MKI67: variants seen among roughly 807,000 people sequenced by gnomAD.
MKI67 encodes marker of proliferation Ki-67, also known as proliferation marker protein Ki-67.
MKI67 carries 152 observed loss-of-function variants against 233.5 expected under a neutral mutation model. That is an observed-to-expected ratio of 0.65 (90% CI 0.57 to 0.74). The LOEUF is 0.74. MKI67 is among the 30% of genes least tolerant of loss of function. The pLI, the probability that MKI67 is intolerant of heterozygous loss-of-function variation, is 0.00. For synonymous variants in MKI67, 1,465 were observed against 1,418.5 expected, an observed-to-expected ratio of 1.03 and a Z score of -0.74; for missense variants, 3,940 against 3,885.2, an observed-to-expected ratio of 1.01 and a Z score of -0.37.
Position 128,115,324 on chromosome 10 carries a change from T to C in MKI67, c.1084A>G (p.Lys362Glu). The part of the protein sequence containing the change: ...SQQQNSPQKH[K>E]NKDLYTTGRR... Reference sequence around the variant, plus strand: ...CCAGTAGTATACAGGTCTTTGTTCTTATGTTTTTGTGGAGAATTTTGTTGC... The same window carrying C: ...CCAGTAGTATACAGGTCTTTGTTCTCATGTTTTTGTGGAGAATTTTGTTGC... Residue 362 changes from lysine to glutamate, a missense_variant, in exon 7 of 15, where the codon AAG (lysine) becomes GAG (glutamate). Physicochemically the swap from Lys to Glu is moderately conservative, Grantham distance 56. Transcript: ENST00000368654. The C allele has an allele frequency of 6.2e-7, 1 of 1,614,162 alleles. No homozygotes were observed. The highest frequency in any genetic ancestry group is 8.5e-7 in the Non-Finnish European group (1 of 1,180,034).
rs1294474195 is a variant in MKI67, at chr10:128,115,423, G to T, written c.985C>A (p.Pro329Thr). ...KGRDVESVQT[P>T]SKAVGASFPL... is the part of the protein sequence containing the mutation. ...AAGCTGGCGCCCACAGCCTTGCTGG[G>T]AGTCTGAACAGACTCCACGTCTCTT... is the stretch of plus-strand genomic sequence containing the variant. The change falls in exon 7 of 15, where the codon CCC becomes ACC. Residue 329 changes from proline (P) to threonine (T), a missense_variant. Coordinates refer to ENST00000368654, the MANE Select transcript of MKI67 (RefSeq NM_002417.5). 6.2e-7 allele frequency: 1 copy of T among 1,614,026 alleles called. No individual in the cohort carries two copies. Among genetic ancestry groups the T allele is most frequent in the East Asian group, 2.2e-5 (1 of 44,878 alleles).
intron 11 of MKI67, 147 bp from the exon 12 acceptor site, chr10:128,110,680 T>G (rs1414147574): frequency 2.3e-5 from 12 of 528,236 alleles, no homozygotes; most frequent in Non-Finnish European, 4.0e-5. Context: ...ATAAAAAGAG[T>G]GATTCCATTA....
At position 128,105,772 on chromosome 10, in the gene MKI67, C is replaced by G. The variant is rs149706492; in HGVS notation, c.6068G>C (p.Gly2023Ala). Residue 2023 changes from glycine to alanine, a missense_variant, in exon 13 of 15, where the codon GGG becomes GCG. Physicochemically the swap from Gly to Ala is moderately conservative, Grantham distance 60. Coordinates refer to ENST00000368654, the MANE Select transcript of MKI67 (RefSeq NM_002417.5). ...LPVGKLTQTS[G>A]KTTQTHRETA... ...CTCTCTGTGTGTCTGTGTGGTCTTC[C>G]CTGACGTCTGTGTGAGCTTGCCGAC... The G allele has an allele frequency of 1.9e-6, 3 of 1,613,976 alleles. No individual in the cohort carries two copies. The highest frequency in any genetic ancestry group is 2.5e-6 in the Non-Finnish European group (3 of 1,180,004).
At chr10:128,110,884 G>A (rs749868102) in intron 11 of MKI67, among the ~76,000 whole-genome samples, 3 of 152,236 alleles carry the variant, frequency 2.0e-5, no homozygotes, top group African/African-American at 7.2e-5. Flanking sequence ...CTAGGATCTA[G>A]AGGCCAAATG....
In MKI67 at chr10:128,112,422, TTTTCC is replaced by T; in HGVS notation, c.1675_1679del (p.Gly559ThrfsTer24). The T allele has an allele frequency of 6.2e-7, 1 of 1,614,158 alleles. No homozygotes were observed. The highest frequency in any genetic ancestry group is 8.5e-7 in the Non-Finnish European group (1 of 1,179,978). ...CATGGATTTCTGAACCTGACTCTTG[TTTTCC>T]TGATGGTTGAGGCTGTTCCTGACAA... On this transcript the variant is annotated frameshift_variant, in exon 9 of 15. Coordinates refer to ENST00000368654, the MANE Select transcript of MKI67 (RefSeq NM_002417.5). LOFTEE classifies it high-confidence loss of function.
intron 14 of MKI67, among the ~76,000 whole-genome samples, chr10:128,101,054 G>C (rs1366652130): frequency 1.3e-5 from 2 of 152,184 alleles, no homozygotes; most frequent in Non-Finnish European, 2.9e-5. Context: ...GCTATTTGAA[G>C]TGAAATTCCC....
rs1590302972 is a variant in MKI67, at chr10:128,107,321, A to G, written c.4519T>C (p.Ser1507Pro). ...QPDPVDTPTS[S>P]KPQSKRSLRK... ...AGACTTCTCTTGGACTGTGGCTTGGAGCTTGTTGGTGTGTCCACTGGGTCT... is the reference window on the plus strand; with the variant it reads ...AGACTTCTCTTGGACTGTGGCTTGGGGCTTGTTGGTGTGTCCACTGGGTCT... The change falls in exon 13 of 15, where the codon TCC becomes CCC. Residue 1507 changes from serine to proline, a missense_variant. Transcript: ENST00000368654. The G allele has an allele frequency of 1.2e-6, 2 of 1,613,218 alleles. No individual in the cohort carries two copies. Among genetic ancestry groups the G allele is most frequent in the South Asian group, 2.2e-5 (2 of 91,014 alleles).
At chr10:128,099,681 T>C (rs1852292232) in intron 14 of MKI67, among the ~76,000 whole-genome samples, 1 of 152,238 alleles carries the variant, frequency 6.6e-6, no homozygotes, top group South Asian at 2.1e-4. Flanking sequence ...AGACCTGCCT[T>C]GGCCTTTACT....
chr10:128,104,585 C>G lies in MKI67; in HGVS notation c.7255G>C (p.Gly2419Arg), dbSNP rs1422866522. Residue 2419 changes from glycine (G) to arginine (R), a missense_variant, in exon 13 of 15, where the codon GGC becomes CGC. Gly to Arg is a moderately radical substitution (Grantham distance 125). Transcript: ENST00000368654. ...GGAGTCTGTGGCTGTCTCTTGCTGC[C>G]AGGTAAATTTCCTAGCAGGTCCAGT... The part of the protein sequence containing the change: ...QKLDLLGNLP[G>R]SKRQPQTPKE... 6.2e-7 allele frequency: 1 copy of G among 1,613,916 alleles called. No homozygotes were observed. Among genetic ancestry groups the G allele is most frequent in the Non-Finnish European group, 8.5e-7 (1 of 1,180,016 alleles).
Position 128,103,190 on chromosome 10 carries a change from C to T in MKI67, c.8650G>A (p.Ala2884Thr), listed in dbSNP as rs141457945. The change falls in exon 13 of 15, where the codon GCA becomes ACA. Residue 2884 changes from alanine to threonine, a missense_variant. Coordinates refer to ENST00000368654, the MANE Select transcript of MKI67 (RefSeq NM_002417.5). ...EPVGEGKGTK[A>T]FKQPAKRKLD... ...TTCCGCTTTGCAGGTTGCTTAAATG[C>T]TTTCGTGCCTTTGCCCTCACCTACC... 18 of 1,613,176 alleles carry T rather than the reference C, an allele frequency of 1.1e-5. No homozygotes were observed. Among genetic ancestry groups the T allele is most frequent in the Non-Finnish European group, 1.4e-5 (17 of 1,179,844 alleles).
chr10:128,124,052 T>C (rs1039183699), intron 2 of MKI67, among the ~76,000 whole-genome samples: 9 of 152,256 alleles, frequency 5.9e-5, no homozygotes, highest in Admixed American at 3.3e-4. Flanking sequence ...ACCCAGGTCA[T>C]GTGACCAAAC....
chr10:128,113,334 A>G, intron 8 of MKI67, 93 bp downstream of exon 8: 1 of 1,318,704 alleles, frequency 7.6e-7, no homozygotes. Context: ...AAAGGTCTTC[A>G]TCATAATTCT....
In MKI67 at chr10:128,123,066, G is replaced by A. The variant is rs1852985478; in HGVS notation, c.171+25C>T. The stretch of plus-strand genomic sequence containing the variant: ...AAAAGTGAACTAAAAAGCTTTAAAA[G>A]TAGATCTTCAAAAAACCCACTCACC... On this transcript the variant is annotated intron_variant, in intron 3 of 14. Coordinates refer to ENST00000368654, the MANE Select transcript of MKI67 (RefSeq NM_002417.5). 1.9e-6 allele frequency: 3 copies of A among 1,603,652 alleles called. No homozygotes were observed. The South Asian group carries it at 3.3e-5, about 18-fold the overall frequency.
chr10:128,116,331 G>A (rs1427865927), intron 6 of MKI67, among the ~76,000 whole-genome samples, 160 bp downstream of exon 6: 1 of 152,218 alleles, frequency 6.6e-6, no homozygotes, highest in Non-Finnish European at 1.5e-5. Context: ...CCAAGGGAAA[G>A]TTAGGCATCT....
Position 128,108,749 on chromosome 10 carries a change from TC to T in MKI67, c.3090del (p.Val1032Ter). Reference protein sequence around the residue: ...HTKQQLKASLGKVGVKEELLA... With the variant: ...HTKQQLKASLXKVGVKEELLA... ...AGGAGCTCTTCTTTCACACCTACTTTCCCCAGGGATGCCTTCAACTGTTGTT... is the reference window on the plus strand; with the variant it reads ...AGGAGCTCTTCTTTCACACCTACTTTCCCAGGGATGCCTTCAACTGTTGTT... On this transcript the variant is annotated frameshift_variant, in exon 13 of 15. Transcript: ENST00000368654. LOFTEE classifies it high-confidence loss of function. 1.1e-5 allele frequency: 18 copies of T among 1,614,228 alleles called. No homozygotes were observed. The highest frequency in any genetic ancestry group is 1.5e-5 in the Non-Finnish European group (18 of 1,180,042).
At position 128,113,616 on chromosome 10, in the gene MKI67, T is replaced by C. The variant is rs1331085371; in HGVS notation, c.1481-14A>G. The C allele has an allele frequency of 1.2e-5, 19 of 1,609,630 alleles. No homozygotes were observed. The highest frequency in any genetic ancestry group is 1.5e-5 in the Non-Finnish European group (18 of 1,176,844). On this transcript the variant is annotated splice_polypyrimidine_tract_variant and intron_variant, in intron 7 of 14. Coordinates refer to ENST00000368654, the MANE Select transcript of MKI67 (RefSeq NM_002417.5). ...CCTCACTCTCATCTAAAGTAACGGA[T>C]ACAAATGTGGAAAGAGCAATGAAAA...
chr10:128,108,679 G>T lies in MKI67; in HGVS notation c.3161C>A (p.Thr1054Lys). ...GCCATCTCCTGCTGGCTCTCTGTGCGTGTGCGTGGTCTCCCCTGACGTCCG... is the reference window on the plus strand; with the variant it reads ...GCCATCTCCTGCTGGCTCTCTGTGCTTGTGCGTGGTCTCCCCTGACGTCCG... ...FTRTSGETTHTHREPAGDGKS... is the reference protein window; with the variant it reads ...FTRTSGETTHKHREPAGDGKS... Residue 1054 changes from threonine to lysine, a missense_variant, in exon 13 of 15, where the codon ACG becomes AAG. Coordinates refer to ENST00000368654, the MANE Select transcript of MKI67 (RefSeq NM_002417.5). 1 of 1,614,204 alleles carries T rather than the reference G, an allele frequency of 6.2e-7. No homozygotes were observed. The highest frequency in any genetic ancestry group is 8.5e-7 in the Non-Finnish European group (1 of 1,180,046).
Position 128,115,121 on chromosome 10 carries a change from A to T in MKI67, c.1287T>A (p.Asp429Glu), listed in dbSNP as rs753196837. 1 of 1,614,096 alleles carries T rather than the reference A, an allele frequency of 6.2e-7. No homozygotes were observed. Among genetic ancestry groups the T allele is most frequent in the Non-Finnish European group, 8.5e-7 (1 of 1,180,042 alleles). The change falls in exon 7 of 15, where the codon GAT becomes GAA. Residue 429 changes from aspartate (D) to glutamate (E), a missense_variant. Asp to Glu is a conservative substitution (Grantham distance 45, BLOSUM62 2). Coordinates refer to ENST00000368654, the MANE Select transcript of MKI67 (RefSeq NM_002417.5). ...CAGTTTCCGTAGGCAGAACTTCCACATCTGTAGGAATACTTCCTCTGGTTT... is the reference window on the plus strand; with the variant it reads ...CAGTTTCCGTAGGCAGAACTTCCACTTCTGTAGGAATACTTCCTCTGGTTT... Reference protein sequence around the residue: ...SSKTRGSIPTDVEVLPTETEI... With the variant: ...SSKTRGSIPTEVEVLPTETEI...
intron 8 of MKI67, among the ~76,000 whole-genome samples, chr10:128,112,772 A>G (rs189572474): frequency 8.1e-4 from 124 of 152,250 alleles, no homozygotes; most frequent in African/African-American, 2.7e-3. Flanking sequence ...GTCCACATGG[A>G]GGGAGGACTG....
Sources: gnomAD v4.1 joint callset for allele counts (sites outside exome capture counted in the v4.1 genomes callset) on GRCh38, gnomAD v4.1.1 for gene constraint, MANE v1.5 for transcripts, NCBI Gene and HGNC (gene_info 2026-07-23, HGNC 2026-07-21) for gene names.